The following HBD variants were observed in gnomAD, a reference collection of about 807,000 sequenced individuals.
The protein encoded by HBD is hemoglobin subunit delta, also known as delta globin.
In HBD, 11 loss-of-function variants were observed where a neutral mutation model predicts 9.2. That is an observed-to-expected ratio of 1.20 (90% CI 0.76 to 1.99). The LOEUF (loss-of-function observed/expected upper bound fraction) is 1.99. Ranked by LOEUF, HBD falls within the 30% of genes most tolerant of loss-of-function variation. HBD has a pLI of 0.00. For missense variants in HBD, 189 were observed against 174.3 expected (o/e 1.08, Z -0.47); for synonymous variants, 83 against 69.4 (o/e 1.20, Z -0.98).
At position 5,233,106 on chromosome 11, in the gene HBD, G is replaced by A. The variant is rs751113654; in HGVS notation, c.316-14C>T. 8.1e-6 allele frequency: 13 copies of A among 1,613,790 alleles called. No individual in the cohort carries two copies. The South Asian group carries it at 1.4e-4, about 18-fold the overall frequency. ...ATTGCCCAAGAGCTGCGGAGAAGAG[G>A]TAGGCAGATACATGCATATGGTTAA... On this transcript the variant is annotated splice_polypyrimidine_tract_variant and intron_variant, in intron 2 of 2. Coordinates refer to ENST00000650601, the MANE Select transcript of HBD (RefSeq NM_000519.4).
In HBD at chr11:5,234,069, C is replaced by T. The variant is rs984457936; in HGVS notation, c.237G>A (p.Leu79=). 4.3e-6 allele frequency: 7 copies of T among 1,613,950 alleles called. No individual in the cohort carries two copies. Among genetic ancestry groups the T allele is most frequent in the African/African-American group, 1.3e-5 (1 of 74,880 alleles). The change falls in exon 2 of 3, where the codon CTG becomes CTA. Residue 79 remains leucine, a synonymous_variant. Transcript: ENST00000650601. ...LGAFSDGLAH[L]DNLKGTFSQL... is the part of the protein sequence containing the mutation. ...GAGAAAAAGTGCCCTTGAGGTTGTC[C>T]AGGTGAGCCAGGCCATCACTAAAGG...
At chr11:5,233,892 TA>T in intron 2 of HBD, 98 bp downstream of exon 2, 1 of 992,448 alleles carries the variant, frequency 1.0e-6, no homozygotes, top group Non-Finnish European at 1.6e-6. Context: ...TAAAATATAG[TA>T]AAATGACAAA....
In HBD at chr11:5,232,886, C is replaced by T. The variant is rs763208471; in HGVS notation, c.*78G>A. 7 of 1,611,382 alleles carry T rather than the reference C, an allele frequency of 4.3e-6. No homozygotes were observed. In the Admixed American group the frequency reaches 5.0e-5, roughly 12 times the overall value. On this transcript the variant is annotated 3_prime_UTR_variant, in exon 3 of 3. Coordinates refer to ENST00000650601, the MANE Select transcript of HBD (RefSeq NM_000519.4). ...GCAGAAGCCATACCCTTGAAGTAGGCATTGTGTTCCCAAGTTCAGAAAATA... is the reference window on the plus strand; with the variant it reads ...GCAGAAGCCATACCCTTGAAGTAGGTATTGTGTTCCCAAGTTCAGAAAATA...
Position 5,233,073 on chromosome 11 carries a change from A to C in HBD, c.335T>G (p.Val112Gly). Residue 112 changes from valine (V) to glycine (G), a missense_variant, in exon 3 of 3, where the codon GTG becomes GGG. Transcript: ENST00000650601. ...GCCAAAGTTGCGGGCCAGCACACAC[A>C]CCAGCACATTGCCCAAGAGCTGCGG... The part of the protein sequence containing the change: ...ENFRLLGNVL[V>G]CVLARNFGKE... 6.2e-7 allele frequency: 1 copy of C among 1,614,036 alleles called. No individual in the cohort carries two copies. The highest frequency in any genetic ancestry group is 8.5e-7 in the Non-Finnish European group (1 of 1,179,950).
rs112804222 is a variant in HBD, at chr11:5,233,284, T to C, written c.316-192A>G. ...TATAACATATATCTATACACACACA[T>C]CCTCTATGTACTTAACTAGCATGTA... is the stretch of plus-strand genomic sequence containing the variant. On this transcript the variant is annotated intron_variant, in intron 2 of 2. Transcript: ENST00000650601. 5.5e-3 allele frequency among the ~76,000 whole-genome samples: 834 copies of C among 152,152 alleles called. 11 individuals are homozygous for C. The highest frequency in any genetic ancestry group is 0.018 in the African/African-American group (734 of 41,496).
chr11:5,232,919 G>C lies in HBD; in HGVS notation c.*45C>G. 5 of 1,613,580 alleles carry C rather than the reference G, an allele frequency of 3.1e-6. No individual in the cohort carries two copies. Among genetic ancestry groups the C allele is most frequent in the Non-Finnish European group, 4.2e-6 (5 of 1,179,544 alleles). On this transcript the variant is annotated 3_prime_UTR_variant, in exon 3 of 3. Transcript: ENST00000650601. ...TCCCAAGTTCAGAAAATAGAATCTA[G>C]GGAAATAGGGTCTTCTTATGGTTAT...
rs33956485 is a variant in HBD, at chr11:5,232,983, A to G, written c.425T>C (p.Leu142Pro). Residue 142 changes from leucine to proline, a missense_variant, in exon 3 of 3, where the codon CTG becomes CCG. By Grantham distance (98) the Leu-to-Pro change is moderately conservative. Transcript: ENST00000650601. Reference protein sequence around the residue: ...QKVVAGVANALAHKYH With the variant: ...QKVVAGVANAPAHKYH ...AGGATCTCAATGGTACTTGTGAGCC[A>G]GGGCATTAGCCACACCAGCCACCAC... 10 of 1,614,088 alleles carry G rather than the reference A, an allele frequency of 6.2e-6. No homozygotes were observed. The highest frequency in any genetic ancestry group is 3.3e-5 in the Admixed American group (2 of 60,016).
intron 2 of HBD, 75 bp downstream of exon 2, chr11:5,233,916 G>A (rs1589897465): frequency 1.6e-5 from 19 of 1,204,338 alleles, no homozygotes; most frequent in Non-Finnish European, 2.2e-5. Context: ...TGTGGGAGAA[G>A]AGCAGGTAGG....
rs1477284168 is a variant in HBD at position 5,234,010 on chromosome 11, A to T, written c.296T>A (p.Val99Glu). ...ACTCACCCTGAAGTTCTCAGGATCC[A>T]CGTGCAGCTTGTCACAGTGCAGCTC... ...LSELHCDKLH[V>E]DPENFRLLGN... The change falls in exon 2 of 3, where the codon GTG (valine) becomes GAG (glutamate). Residue 99 changes from valine to glutamate, a missense_variant. Physicochemically the swap from Val to Glu is moderately radical, Grantham distance 121. Transcript: ENST00000650601. 7 of 1,613,974 alleles carry T rather than the reference A, an allele frequency of 4.3e-6. No individual in the cohort carries two copies. Among genetic ancestry groups the T allele is most frequent in the Non-Finnish European group, 5.9e-6 (7 of 1,179,982 alleles).
rs1847700833 is a variant in HBD, at chr11:5,233,847, T to TA, written c.315+143dup. 1.0e-5 allele frequency: 7 copies of TA among 701,812 alleles called. No individual in the cohort carries two copies. The South Asian group carries it at 1.3e-4, about 13-fold the overall frequency. The allele number at this position is 701,812 out of a possible 1,614,324, so 43.5% of individuals were successfully genotyped here. On this transcript the variant is annotated intron_variant, in intron 2 of 2. Transcript: ENST00000650601. ...AAGGAAAAAATGCAGAATATTTAAA[T>TA]AAAAAATTAACAAAATTTTAGAAGC...
chr11:5,233,662 TA>T (rs1254057902), intron 2 of HBD, among the ~76,000 whole-genome samples: 1 of 152,102 alleles, frequency 6.6e-6, no homozygotes, highest in African/African-American at 2.4e-5. Flanking sequence ...GCCTCTCCCA[TA>T]CCCATGTGGA....
At chr11:5,233,298 A>T (rs1847694184) in intron 2 of HBD, among the ~76,000 whole-genome samples, 1 of 152,196 alleles carries the variant, frequency 6.6e-6, no homozygotes, top group Non-Finnish European at 1.5e-5. Context: ...CTATGTACTT[A>T]ACTAGCATGT....
At chr11:5,233,668 T>A (rs1217795966) in intron 2 of HBD, among the ~76,000 whole-genome samples, 1 of 152,086 alleles carries the variant, frequency 6.6e-6, no homozygotes, top group Non-Finnish European at 1.5e-5. Context: ...CCCATACCCA[T>A]GTGGAGAGAC....
In HBD at chr11:5,234,147, A is replaced by C. The variant is rs757106601; in HGVS notation, c.159T>G (p.Asp53Glu). 6.2e-7 allele frequency: 1 copy of C among 1,614,092 alleles called. No homozygotes were observed. Among genetic ancestry groups the C allele is most frequent in the Non-Finnish European group, 8.5e-7 (1 of 1,179,984 alleles). The stretch of plus-strand genomic sequence containing the variant: ...TCACCTTAGGGTTGCCCATAACAGC[A>C]TCAGGAGAGGACAGATCCCCAAAGG... ...FESFGDLSSP[D>E]AVMGNPKVKA... The change falls in exon 2 of 3, where the codon GAT becomes GAG. Residue 53 changes from aspartate (D) to glutamate (E), a missense_variant. Coordinates refer to ENST00000650601, the MANE Select transcript of HBD (RefSeq NM_000519.4).
At chr11:5,233,140 T>A (rs1847692098) in intron 2 of HBD, 48 bp from the exon 3 acceptor site, 5 of 1,609,152 alleles carry the variant, frequency 3.1e-6, no homozygotes, top group Non-Finnish European at 4.3e-6. Flanking sequence ...AACAGAGAAA[T>A]AAAGACTGGC....
At chr11:5,233,147 T>G in intron 2 of HBD, 55 bp from the exon 3 acceptor site, 1 of 1,604,684 alleles carries the variant, frequency 6.2e-7, no homozygotes, top group South Asian at 1.1e-5. Flanking sequence ...AAATAAAGAC[T>G]GGCTTCTGAG....
chr11:5,234,461 A>G lies in HBD; in HGVS notation c.-28T>C. 6.6e-7 allele frequency: 1 copy of G among 1,516,742 alleles called. No homozygotes were observed. The highest frequency in any genetic ancestry group is 9.2e-7 in the Non-Finnish European group (1 of 1,091,100). The allele number at this position is 1,516,742 out of a possible 1,614,324, so 94.0% of individuals were successfully genotyped here. A position where few individuals can be genotyped will look rare whatever the true frequency, so the allele number is the denominator to read the frequency against. Reference sequence around the variant, plus strand: ...TGTCTGTTTGAGGTTGCTAGTGAACACTGTTATGTCAGAAGAAAGTGTAAG... The same window carrying G: ...TGTCTGTTTGAGGTTGCTAGTGAACGCTGTTATGTCAGAAGAAAGTGTAAG... On this transcript the variant is annotated 5_prime_UTR_variant, in exon 1 of 3. Coordinates refer to ENST00000650601, the MANE Select transcript of HBD (RefSeq NM_000519.4).
At chr11:5,233,876 A>T in intron 2 of HBD, 115 bp downstream of exon 2, 6 of 834,598 alleles carry the variant, frequency 7.2e-6, no homozygotes, top group Non-Finnish European at 7.8e-6. Flanking sequence ...TAGAAGCATT[A>T]AATGATAAAA....
At chr11:5,233,150 C>T in intron 2 of HBD, 58 bp from the exon 3 acceptor site, 1 of 1,600,802 alleles carries the variant, frequency 6.2e-7, no homozygotes, top group Non-Finnish European at 8.6e-7. Flanking sequence ...TAAAGACTGG[C>T]TTCTGAGAAA....
Sources: gnomAD v4.1 joint callset for allele counts (sites outside exome capture counted in the v4.1 genomes callset) on GRCh38, gnomAD v4.1.1 for gene constraint, MANE v1.5 for transcripts, NCBI Gene and HGNC (gene_info 2026-07-23, HGNC 2026-07-21) for gene names.